MBD5: variants seen among roughly 807,000 people sequenced by gnomAD.
MBD5 encodes the protein methyl-CpG-binding domain protein 5.
MBD5 carries 13 observed loss-of-function variants against 117.3 expected under a neutral mutation model. That is an observed-to-expected ratio of 0.11 (90% CI 0.07 to 0.18). The LOEUF (loss-of-function observed/expected upper bound fraction) is 0.18. Ranked by LOEUF, MBD5 falls within the 10% of genes least tolerant of loss-of-function variation. The pLI, the probability that MBD5 is intolerant of heterozygous loss-of-function variation, is 1.00. For synonymous variants in MBD5, 727 were observed against 766.4 expected, an observed-to-expected ratio of 0.95 and a Z score of 0.85; for missense variants, 1,879 against 2,093.8, an observed-to-expected ratio of 0.90 and a Z score of 2.00.
At chr2:148,287,670 C>G (rs892714428) in intron 3 of MBD5, among the ~76,000 whole-genome samples, 1 of 152,212 alleles carries the variant, frequency 6.6e-6, no homozygotes, top group Non-Finnish European at 1.5e-5. Flanking sequence ...GGGCCTGCAT[C>G]TGGTGAGGAC....
rs1411951713 is a variant in MBD5 at position 148,469,123 on chromosome 2, G to A, written c.1180G>A (p.Val394Ile). 12 of 1,613,954 alleles carry A rather than the reference G, an allele frequency of 7.4e-6. No individual in the cohort carries two copies. Among genetic ancestry groups the A allele is most frequent in the Non-Finnish European group, 9.3e-6 (11 of 1,179,980 alleles). ...NVHSQVPMMNVSMPPAVVPLP... is the reference protein window; with the variant it reads ...NVHSQVPMMNISMPPAVVPLP... ...CCACTCTCAGGTACCTATGATGAAT[G>A]TAAGCATGCCTCCTGCTGTTGTTCC... The change falls in exon 8 of 14, where the codon GTA (valine) becomes ATA (isoleucine). Residue 394 changes from valine (V) to isoleucine (I), a missense_variant. Physicochemically the swap from Val to Ile is conservative, Grantham distance 29. Transcript: ENST00000642680.
At chr2:148,453,032 T>C (rs1469286543) in intron 4 of MBD5, among the ~76,000 whole-genome samples, 1 of 152,214 alleles carries the variant, frequency 6.6e-6, no homozygotes, top group African/African-American at 2.4e-5. Flanking sequence ...CTTAAGCACC[T>C]ACTGTATGCT....
At chr2:148,368,346 G>A (rs999517630) in intron 4 of MBD5, among the ~76,000 whole-genome samples, 4 of 151,982 alleles carry the variant, frequency 2.6e-5, no homozygotes, top group African/African-American at 9.7e-5. Flanking sequence ...GGTATGGAAG[G>A]GATAGCATTA....
chr2:148,121,298 A>G (rs1259320573), intron 1 of MBD5, among the ~76,000 whole-genome samples: 3 of 152,302 alleles, frequency 2.0e-5, no homozygotes, highest in African/African-American at 7.2e-5. Context: ...AAGAATATGC[A>G]TAATTTATGC....
intron 3 of MBD5, among the ~76,000 whole-genome samples, chr2:148,274,579 A>G (rs571947782): frequency 1.3e-5 from 2 of 152,274 alleles, no homozygotes; most frequent in Non-Finnish European, 2.9e-5. Context: ...TTAAAGTCCT[A>G]ATTTTTTAAG....
chr2:148,382,247 G>A (rs995048997), intron 4 of MBD5, among the ~76,000 whole-genome samples: 6 of 151,750 alleles, frequency 4.0e-5, no homozygotes, highest in East Asian at 3.9e-4. Context: ...TCAAAATAAA[G>A]GGATGGAGGA....
At chr2:148,413,548 A>G (rs1705331681) in intron 4 of MBD5, among the ~76,000 whole-genome samples, 2 of 147,702 alleles carry the variant, frequency 1.4e-5, no homozygotes, top group South Asian at 2.1e-4. Context: ...TAGAAATGGT[A>G]CCAGATCTTC....
intron 3 of MBD5, among the ~76,000 whole-genome samples, chr2:148,293,848 C>T (rs1036129917): frequency 2.6e-5 from 4 of 152,176 alleles, no homozygotes; most frequent in Non-Finnish European, 5.9e-5. Context: ...GATTTTGTCA[C>T]ATGCTTATTC....
intron 12 of MBD5, 31 bp from the exon 13 acceptor site, chr2:148,510,029 T>A: frequency 6.7e-7 from 1 of 1,498,090 alleles, no homozygotes. Context: ...TTTAATTTTT[T>A]AATCTGGTGT....
chr2:148,374,467 G>T lies in MBD5; in HGVS notation c.-557+32131G>T, dbSNP rs1481405646. 2.0e-5 allele frequency among the ~76,000 whole-genome samples: 3 copies of T among 152,140 alleles called. No individual in the cohort carries two copies. In the East Asian group the frequency reaches 5.8e-4, roughly 29 times the overall value. On this transcript the variant is annotated intron_variant, in intron 4 of 13. Transcript: ENST00000642680. ...GTTACAAGTCTTACTGAGATATCCA[G>T]TTGTTGTTTTTTATTACTTCCATAA...
chr2:148,454,438 C>A (rs981344779), intron 4 of MBD5, among the ~76,000 whole-genome samples: 1 of 152,064 alleles, frequency 6.6e-6, no homozygotes, highest in African/African-American at 2.4e-5. Flanking sequence ...ATAGAGATGG[C>A]TCTCAAAACA....
intron 4 of MBD5, among the ~76,000 whole-genome samples, chr2:148,424,838 G>A (rs1218689693): frequency 6.6e-6 from 1 of 151,950 alleles, no homozygotes; most frequent in Non-Finnish European, 1.5e-5. Flanking sequence ...GAAACCAATG[G>A]GAACAAAGAC....
chr2:148,501,320 T>A (rs1172028179), intron 11 of MBD5, among the ~76,000 whole-genome samples: 1 of 152,310 alleles, frequency 6.6e-6, no homozygotes, highest in African/African-American at 2.4e-5. Context: ...TAGTGTTTAT[T>A]TTCTTACCCA....
intron 2 of MBD5, among the ~76,000 whole-genome samples, chr2:148,214,110 T>C (rs1334411523): frequency 1.3e-5 from 2 of 152,198 alleles, no homozygotes; most frequent in African/African-American, 4.8e-5. Flanking sequence ...TTTTTAAAAT[T>C]ATAAGTTAAA....
chr2:148,490,371 G>C lies in MBD5; in HGVS notation c.4739G>C (p.Gly1580Ala). ...NGDFNAKSVN[G>A]CVPSPSDAKS... ...GACTTTAATGCCAAAAGCGTTAATG[G>C]GTGTGTGCCTAGCCCTTCAGATGCT... Residue 1580 changes from glycine (G) to alanine (A), a missense_variant, in exon 11 of 14, where the codon GGG (glycine) becomes GCG (alanine). This residue lies in a region of MBD5 where 1,666 missense variants were observed against 1,792.2 expected (regional missense o/e 0.93). Transcript: ENST00000642680. 1 of 1,614,118 alleles carries C rather than the reference G, an allele frequency of 6.2e-7. No individual in the cohort carries two copies. The highest frequency in any genetic ancestry group is 8.5e-7 in the Non-Finnish European group (1 of 1,180,024).
chr2:148,450,613 A>G (rs1706699113), intron 4 of MBD5, among the ~76,000 whole-genome samples: 1 of 152,126 alleles, frequency 6.6e-6, no homozygotes, highest in Non-Finnish European at 1.5e-5. Context: ...TCACATGATG[A>G]TGGCATTCCA....
chr2:148,398,619 GGTAGTTTCTTTTGCTGTGCACAA>G (rs1487928896), intron 4 of MBD5, among the ~76,000 whole-genome samples: 1 of 152,068 alleles, frequency 6.6e-6, no homozygotes, highest in African/African-American at 2.4e-5. Context: ...TCACTCTGAT[GGTAGTTTCTTTTGCTGTGCACAA>G]GCTCTTTAGT....
intron 4 of MBD5, among the ~76,000 whole-genome samples, chr2:148,436,925 A>G (rs1461365021): frequency 6.6e-6 from 1 of 152,040 alleles, no homozygotes; most frequent in African/African-American, 2.4e-5. Context: ...CTACTGATTA[A>G]AGCTTCCCTA....
intron 3 of MBD5, among the ~76,000 whole-genome samples, chr2:148,247,995 A>G (rs1700376856): frequency 6.6e-6 from 1 of 152,188 alleles, no homozygotes; most frequent in Admixed American, 6.5e-5. Flanking sequence ...TAAAACAAAC[A>G]AACACAAACC....
Sources: allele counts gnomAD v4.1 joint callset (sites outside exome capture counted in the v4.1 genomes callset), GRCh38; gene constraint gnomAD v4.1.1; regional missense constraint gnomAD v4.1.1; transcripts MANE v1.5; gene names NCBI Gene and HGNC (gene_info 2026-07-23, HGNC 2026-07-21).